Variants in ATP10D observed in about 807,000 individuals in gnomAD.
The protein encoded by ATP10D is ATPase phospholipid transporting 10D (putative), also known as phospholipid-transporting ATPase VD.
ATP10D carries 89 observed loss-of-function variants against 144.8 expected under a neutral mutation model. The ratio of observed to expected loss-of-function variants is 0.61; its 90% CI spans 0.52 to 0.73. ATP10D has a LOEUF of 0.73. Among genes scored for constraint, ATP10D ranks in the 30% least tolerant of loss-of-function variants. The pLI, the probability that ATP10D is intolerant of heterozygous loss-of-function variation, is 0.00. For synonymous variants in ATP10D, 571 were observed against 615.1 expected (o/e 0.93, Z 1.06); for missense variants, 1,603 against 1,714.8 (o/e 0.93, Z 1.15).
chr4:47,573,250 T>G (rs1320560041), intron 18 of ATP10D, among the ~76,000 whole-genome samples: 1 of 152,238 alleles, frequency 6.6e-6, no homozygotes, highest in Non-Finnish European at 1.5e-5. Context: ...AAGTCCTGTC[T>G]GTTTCATTTA....
chr4:47,562,672 C>G (rs927436649), intron 14 of ATP10D, among the ~76,000 whole-genome samples: 2 of 152,108 alleles, frequency 1.3e-5, no homozygotes, highest in African/African-American at 4.8e-5. Flanking sequence ...CCGTTCAATC[C>G]AACAATCCCA....
chr4:47,502,344 G>C (rs1021623793), intron 1 of ATP10D, among the ~76,000 whole-genome samples: 35 of 152,056 alleles, frequency 2.3e-4, no homozygotes, highest in African/African-American at 8.4e-4. Context: ...GGTGGCGGGC[G>C]CCTGTAGTTC....
intron 5 of ATP10D, among the ~76,000 whole-genome samples, chr4:47,529,110 T>C (rs796479934): frequency 3.9e-5 from 6 of 152,272 alleles, no homozygotes; most frequent in African/African-American, 1.4e-4. Context: ...CTCTCTTGAT[T>C]GTTTCTTTTG....
rs1352904105 is a variant in ATP10D, at chr4:47,539,260, C to G, written c.1396+2322C>G. On this transcript the variant is annotated intron_variant, in intron 9 of 22. Coordinates refer to ENST00000273859, the MANE Select transcript of ATP10D (RefSeq NM_020453.4). ...AATATACTATATTTTCTTCTAGGTA[C>G]ATGTATTTTTAAGTCAACTTTGGTA... is the stretch of plus-strand genomic sequence containing the variant. 3.3e-5 allele frequency among the ~76,000 whole-genome samples: 5 copies of G among 152,080 alleles called. No individual in the cohort carries two copies. In the East Asian group the frequency reaches 9.6e-4, roughly 29 times the overall value.
At chr4:47,552,822 A>G (rs971674177) in intron 10 of ATP10D, among the ~76,000 whole-genome samples, 1 of 152,232 alleles carries the variant, frequency 6.6e-6, no homozygotes, top group East Asian at 1.9e-4. Context: ...TCAGTCCCAA[A>G]TGTCTTCTAT....
intron 20 of ATP10D, among the ~76,000 whole-genome samples, chr4:47,581,693 G>T (rs1286872406): frequency 6.6e-6 from 1 of 152,174 alleles, no homozygotes; most frequent in Non-Finnish European, 1.5e-5. Flanking sequence ...ACCTTAAAAA[G>T]CTAGAAGTGT....
At chr4:47,516,906 A>G (rs1716718171) in intron 3 of ATP10D, among the ~76,000 whole-genome samples, 2 of 152,218 alleles carry the variant, frequency 1.3e-5, no homozygotes, top group Non-Finnish European at 1.5e-5. Flanking sequence ...ATTTAGTAAC[A>G]TTTGAATGCT....
intron 5 of ATP10D, among the ~76,000 whole-genome samples, chr4:47,526,303 C>T (rs1430473726): frequency 6.6e-6 from 1 of 152,062 alleles, no homozygotes; most frequent in African/African-American, 2.4e-5. Context: ...TATTAACAAA[C>T]CATATTAAAC....
At chr4:47,576,467 T>TA (rs1385366612) in intron 18 of ATP10D, among the ~76,000 whole-genome samples, 3 of 152,232 alleles carry the variant, frequency 2.0e-5, no homozygotes, top group Non-Finnish European at 4.4e-5. Context: ...TCCTGACCTG[T>TA]AAAATGGCAA....
chr4:47,591,065 G>A lies in ATP10D; in HGVS notation c.3965G>A (p.Gly1322Glu), dbSNP rs202051358. 312 of 1,610,030 alleles carry A rather than the reference G, an allele frequency of 1.9e-4. No individual in the cohort carries two copies. Among genetic ancestry groups the A allele is most frequent in the Admixed American group, 9.4e-4 (56 of 59,574 alleles). ...AGGTTTGTATACAGAGTTCTTCAGG[G>A]ATCCCTGTTTCCATCTCCAATTCTG... ...LPRFVYRVLQGSLFPSPILRA... is the reference protein window; with the variant it reads ...LPRFVYRVLQESLFPSPILRA... The change falls in exon 23 of 23, where the codon GGA becomes GAA. Residue 1322 changes from glycine to glutamate, a missense_variant. Physicochemically the swap from Gly to Glu is moderately conservative, Grantham distance 98. Transcript: ENST00000273859.
intron 5 of ATP10D, among the ~76,000 whole-genome samples, chr4:47,534,371 C>T (rs1372934384): frequency 1.3e-5 from 2 of 152,126 alleles, no homozygotes; most frequent in Non-Finnish European, 2.9e-5. Context: ...TGGAAAATAG[C>T]AAACATGTAT....
intron 5 of ATP10D, among the ~76,000 whole-genome samples, chr4:47,533,200 G>GA (rs139979863): frequency 0.099 from 14,798 of 149,490 alleles, 852 homozygotes; most frequent in Non-Finnish European, 0.13. Context: ...CTAGGGATAA[G>GA]AAAAAAAAAA....
At chr4:47,572,008 G>A in intron 16 of ATP10D, 146 bp from the exon 17 acceptor site, 1 of 726,860 alleles carries the variant, frequency 1.4e-6, no homozygotes, top group Non-Finnish European at 2.4e-6. Context: ...CTTCATTTCT[G>A]TTTCACTTAC....
chr4:47,587,256 G>A (rs1720835444), intron 22 of ATP10D, 50 bp downstream of exon 22: 1 of 1,532,538 alleles, frequency 6.5e-7, no homozygotes, highest in Non-Finnish European at 8.9e-7. Context: ...CATAGGCTAA[G>A]AATCCTTCAA....
chr4:47,515,053 T>C (rs1716556210), intron 2 of ATP10D, among the ~76,000 whole-genome samples: 2 of 152,102 alleles, frequency 1.3e-5, no homozygotes, highest in African/African-American at 4.8e-5. Context: ...CTCCGACTTC[T>C]GGGTTCAAGT....
intron 5 of ATP10D, among the ~76,000 whole-genome samples, chr4:47,530,944 C>G (rs1254366630): frequency 3.9e-5 from 6 of 152,060 alleles, no homozygotes; most frequent in African/African-American, 1.2e-4. Flanking sequence ...GGATATTAGC[C>G]TGAAGCTTTC....
At chr4:47,521,172 G>A (rs990615452) in intron 3 of ATP10D, among the ~76,000 whole-genome samples, 3 of 152,120 alleles carry the variant, frequency 2.0e-5, no homozygotes, top group African/African-American at 7.2e-5. Context: ...TGCCATCTAT[G>A]TACCTAGGAC....
In ATP10D at chr4:47,525,597, A is replaced by C. The variant is rs1341549219; in HGVS notation, c.731A>C (p.Glu244Ala). The change falls in exon 5 of 23, where the codon GAA (glutamate) becomes GCA (alanine). Residue 244 changes from glutamate (E) to alanine (A), a missense_variant. Coordinates refer to ENST00000273859, the MANE Select transcript of ATP10D (RefSeq NM_020453.4). Reference sequence around the variant, plus strand: ...CCTGAGAAGTTTTCCAGTAGGATAGAATGTGAAAGCCCAAACAATGACCTC... The same window carrying C: ...CCTGAGAAGTTTTCCAGTAGGATAGCATGTGAAAGCCCAAACAATGACCTC... ...VDPEKFSSRI[E>A]CESPNNDLSR... 2 of 1,613,730 alleles carry C rather than the reference A, an allele frequency of 1.2e-6. No homozygotes were observed. The highest frequency in any genetic ancestry group is 1.7e-6 in the Non-Finnish European group (2 of 1,179,690).
At chr4:47,557,089 T>G (rs955562682) in intron 11 of ATP10D, 12 of 152,176 alleles carry the variant, frequency 7.9e-5, no homozygotes, top group African/African-American at 2.9e-4. Flanking sequence ...TATTACTTGT[T>G]ACTTTTTTTA....
Sources: allele counts gnomAD v4.1 joint callset (sites outside exome capture counted in the v4.1 genomes callset), GRCh38; gene constraint gnomAD v4.1.1; transcripts MANE v1.5; gene names NCBI Gene and HGNC (gene_info 2026-07-23, HGNC 2026-07-21).